The following SEPTIN9 variants were observed in gnomAD, a reference collection of about 807,000 sequenced individuals.
SEPTIN9 encodes septin-9.
In SEPTIN9, 13 loss-of-function variants were observed where a neutral mutation model predicts 56.6. That is an observed-to-expected ratio of 0.23 (90% CI 0.15 to 0.37). The LOEUF is 0.37. SEPTIN9 is among the 10% of genes least tolerant of loss of function. SEPTIN9 has a pLI of 1.00. For synonymous variants in SEPTIN9, 332 were observed against 334.1 expected (o/e 0.99, Z 0.07); for missense variants, 650 against 823.1 (o/e 0.79, Z 2.57).
At chr17:77,337,640 G>A (rs1022221820) in intron 2 of SEPTIN9, among the ~76,000 whole-genome samples, 2 of 151,916 alleles carry the variant, frequency 1.3e-5, no homozygotes, top group African/African-American at 4.8e-5. Flanking sequence ...TTTTCTACTA[G>A]GAAAGGTGAT....
chr17:77,427,674 A>G (rs2036964443), intron 3 of SEPTIN9, among the ~76,000 whole-genome samples: 1 of 152,072 alleles, frequency 6.6e-6, no homozygotes, highest in African/African-American at 2.4e-5. Flanking sequence ...GGCCTGGAGC[A>G]TCTCCTTTTG....
intron 2 of SEPTIN9, among the ~76,000 whole-genome samples, chr17:77,341,383 G>A (rs2033718428): frequency 6.6e-6 from 1 of 152,244 alleles, no homozygotes; most frequent in Admixed American, 6.5e-5. Context: ...CAGCCAGTCA[G>A]TGGAGCAGTC....
intron 2 of SEPTIN9, among the ~76,000 whole-genome samples, chr17:77,332,455 G>A (rs2033401809): frequency 6.6e-6 from 1 of 152,190 alleles, no homozygotes; most frequent in Non-Finnish European, 1.5e-5. Flanking sequence ...GCAGAAATCA[G>A]CACACAACAT....
chr17:77,361,742 C>T (rs1333570876), intron 2 of SEPTIN9, among the ~76,000 whole-genome samples: 1 of 152,146 alleles, frequency 6.6e-6, no homozygotes, highest in Non-Finnish European at 1.5e-5. Context: ...ACGCCATTCT[C>T]CCGCCTCAGC....
rs768495833 is a variant in SEPTIN9, at chr17:77,497,327, C to A, written c.1586C>A (p.Thr529Lys). Residue 529 changes from threonine (T) to lysine (K), a missense_variant, in exon 11 of 12, where the codon ACA becomes AAA. Coordinates refer to ENST00000427177, the MANE Select transcript of SEPTIN9 (RefSeq NM_001113491.2). ...TCTCCTCTCCTAGTTGAAAACACCACACACTGTGAGTTTGCCTACCTGCGG... is the reference window on the plus strand; with the variant it reads ...TCTCCTCTCCTAGTTGAAAACACCAAACACTGTGAGTTTGCCTACCTGCGG... ...KWGTIEVENT[T>K]HCEFAYLRDL... 1.2e-6 allele frequency: 2 copies of A among 1,613,754 alleles called. No homozygotes were observed. The highest frequency in any genetic ancestry group is 1.3e-5 in the African/African-American group (1 of 74,934).
chr17:77,462,640 T>G (rs549988417), intron 3 of SEPTIN9, among the ~76,000 whole-genome samples: 2 of 151,772 alleles, frequency 1.3e-5, no homozygotes, highest in Non-Finnish European at 2.9e-5. Context: ...TTGTTGCTTG[T>G]TTTGAGCAGT....
At position 77,411,464 on chromosome 17, in the gene SEPTIN9, G is replaced by A. The variant is rs555036276; in HGVS notation, c.721+8761G>A. On this transcript the variant is annotated intron_variant, in intron 3 of 11. Coordinates refer to ENST00000427177, the MANE Select transcript of SEPTIN9 (RefSeq NM_001113491.2). Reference sequence around the variant, plus strand: ...CAGTGGTGCGATCTCAGCTCACTGTGGCTCACTGTAACCTCCACCTTTCGC... The same window carrying A: ...CAGTGGTGCGATCTCAGCTCACTGTAGCTCACTGTAACCTCCACCTTTCGC... Among the ~76,000 whole-genome samples, 6 of 150,370 alleles carry A rather than the reference G, an allele frequency of 4.0e-5. No individual in the cohort carries two copies. The South Asian group carries it at 6.3e-4, about 16-fold the overall frequency.
chr17:77,489,071 C>T (rs1021706180), intron 7 of SEPTIN9, among the ~76,000 whole-genome samples: 1 of 152,204 alleles, frequency 6.6e-6, no homozygotes, highest in South Asian at 2.1e-4. Flanking sequence ...CCTGCCCAGC[C>T]CCCATCCTTC....
chr17:77,477,386 G>A (rs1302631587), intron 3 of SEPTIN9, among the ~76,000 whole-genome samples: 2 of 152,172 alleles, frequency 1.3e-5, no homozygotes, highest in East Asian at 1.9e-4. Flanking sequence ...CATATGACTA[G>A]AACCCTAAAA....
intron 3 of SEPTIN9, chr17:77,469,226 C>T: frequency 6.5e-6 from 1 of 152,884 alleles, no homozygotes. Context: ...GGGAGAGGGG[C>T]TCTCAAGGCA....
At chr17:77,332,165 T>C (rs2033389762) in intron 2 of SEPTIN9, among the ~76,000 whole-genome samples, 1 of 152,084 alleles carries the variant, frequency 6.6e-6, no homozygotes, top group South Asian at 2.1e-4. Context: ...GAGTCCCAGC[T>C]ACTCGGAAGG....
At position 77,499,221 on chromosome 17, in the gene SEPTIN9, C is replaced by A. The variant is rs757679756; in HGVS notation, c.*563C>A. ...TCCTAAGGGTAGAAAACTCCAGGGTCCCCTGCCACCGACTGCCCAGCCACT... is the reference window on the plus strand; with the variant it reads ...TCCTAAGGGTAGAAAACTCCAGGGTACCCTGCCACCGACTGCCCAGCCACT... On this transcript the variant is annotated 3_prime_UTR_variant, in exon 12 of 12. Transcript: ENST00000427177. The A allele has an allele frequency of 3.5e-6, 2 of 574,870 alleles. No homozygotes were observed. Among genetic ancestry groups the A allele is most frequent in the Non-Finnish European group, 6.7e-6 (2 of 298,090 alleles). The allele number at this position is 574,870 out of a possible 1,614,324, so 35.6% of individuals were successfully genotyped here.
chr17:77,420,260 C>T lies in SEPTIN9; in HGVS notation c.721+17557C>T, dbSNP rs369149490. Among the ~76,000 whole-genome samples the T allele has an allele frequency of 2.3e-3, 346 of 152,294 alleles. 2 individuals carry two copies. Among genetic ancestry groups the T allele is most frequent in the African/African-American group, 7.9e-3 (327 of 41,566 alleles). On this transcript the variant is annotated intron_variant, in intron 3 of 11. Transcript: ENST00000427177. ...TCTGTTCAGGAAGAGAGAAGCGGGC[C>T]GGACAGCCCGGCTCAGTGATTGGAA...
intron 2 of SEPTIN9, among the ~76,000 whole-genome samples, chr17:77,357,822 AC>A (rs892876259): frequency 6.6e-6 from 1 of 152,034 alleles, no homozygotes; most frequent in Non-Finnish European, 1.5e-5. Flanking sequence ...CCTTGTATTC[AC>A]CCAGGACCAC....
intron 3 of SEPTIN9, among the ~76,000 whole-genome samples, chr17:77,455,305 G>A (rs1178946477): frequency 6.6e-6 from 1 of 152,194 alleles, no homozygotes; most frequent in African/African-American, 2.4e-5. Context: ...GCCTCTGCAT[G>A]GCCTTCAGGA....
intron 3 of SEPTIN9, chr17:77,447,001 C>T (rs2037766408): frequency 6.0e-6 from 1 of 167,078 alleles, no homozygotes; most frequent in East Asian, 1.9e-4. Flanking sequence ...CTGTCTAGCG[C>T]CAGAACTTTT....
At position 77,475,886 on chromosome 17, in the gene SEPTIN9, T is replaced by C. The variant is rs1355952095; in HGVS notation, c.722-6258T>C. 6.2e-7 allele frequency: 1 copy of C among 1,611,514 alleles called. No individual in the cohort carries two copies. Among genetic ancestry groups the C allele is most frequent in the Non-Finnish European group, 8.5e-7 (1 of 1,178,366 alleles). The stretch of plus-strand genomic sequence containing the variant: ...GACCTTGCATTCTGCTTGGCCACCA[T>C]TGGCAGTGACAGACAAGGTGTGTGG... On this transcript the variant is annotated intron_variant, in intron 3 of 11. Transcript: ENST00000427177. The surrounding 1 kb of genome is among the most constrained non-coding windows in gnomAD (Gnocchi z 4.6).
chr17:77,488,388 C>T (rs1030540976), intron 6 of SEPTIN9, 67 bp downstream of exon 6: 10 of 1,456,172 alleles, frequency 6.9e-6, no homozygotes, highest in East Asian at 4.5e-5. Context: ...CACCCAGAGT[C>T]AGCCCTAGAG....
chr17:77,489,229 CG>C (rs2039925884), intron 7 of SEPTIN9, among the ~76,000 whole-genome samples: 1 of 152,176 alleles, frequency 6.6e-6, no homozygotes. Flanking sequence ...CCTTCTCATC[CG>C]GGCCCTGCCT....
Sources: gnomAD v4.1 joint callset for allele counts (sites outside exome capture counted in the v4.1 genomes callset) on GRCh38, gnomAD v4.1.1 for gene constraint, Gnocchi (gnomAD v3.1) non-coding constraint, MANE v1.5 for transcripts, NCBI Gene and HGNC (gene_info 2026-07-23, HGNC 2026-07-21) for gene names.